Variants in PKHD1 observed in about 807,000 individuals in gnomAD.
PKHD1 encodes fibrocystin.
In PKHD1, 291 loss-of-function variants were observed where a neutral mutation model predicts 412.0. The ratio of observed to expected loss-of-function variants is 0.71; its 90% confidence interval spans 0.64 to 0.78. The LOEUF (loss-of-function observed/expected upper bound fraction) is 0.78, where lower values mean the gene tolerates loss of function less well. PKHD1 is among the 30% of genes least tolerant of loss of function. The pLI, the probability that PKHD1 is intolerant of heterozygous loss-of-function variation, is 0.00. For synonymous variants in PKHD1, 1,777 were observed against 1,821.5 expected (o/e 0.98, Z 0.62); for missense variants, 4,825 against 4,950.7 (o/e 0.97, Z 0.76).
intron 60 of PKHD1, among the ~76,000 whole-genome samples, chr6:51,738,305 G>A (rs543067537): frequency 6.6e-6 from 1 of 152,286 alleles, no homozygotes; most frequent in South Asian, 2.1e-4. Context: ...ATAGAAATAG[G>A]AAATAAAACT....
chr6:52,042,790 C>A, intron 27 of PKHD1, 69 bp downstream of exon 27: 3 of 1,377,480 alleles, frequency 2.2e-6, no homozygotes, highest in Non-Finnish European at 3.1e-6. Flanking sequence ...CACAGAAGGA[C>A]TAGATTCCTA....
At chr6:51,696,802 G>GA in intron 60 of PKHD1, among the ~76,000 whole-genome samples, 1 of 152,142 alleles carries the variant, frequency 6.6e-6, no homozygotes, top group Non-Finnish European at 1.5e-5. Flanking sequence ...GTGGGAGATG[G>GA]AAAAAATAAA....
intron 60 of PKHD1, among the ~76,000 whole-genome samples, chr6:51,676,806 G>C (rs1453698297): frequency 2.0e-5 from 3 of 152,104 alleles, no homozygotes; most frequent in Non-Finnish European, 2.9e-5. Flanking sequence ...ATATGTTTTG[G>C]TCATAATAGA....
At chr6:51,705,175 C>A (rs1779872890) in intron 60 of PKHD1, among the ~76,000 whole-genome samples, 1 of 152,048 alleles carries the variant, frequency 6.6e-6, no homozygotes, top group Non-Finnish European at 1.5e-5. Flanking sequence ...CTTTCAGTTA[C>A]TACAGTACCG....
intron 64 of PKHD1, among the ~76,000 whole-genome samples, chr6:51,635,532 G>A (rs1039285621): frequency 2.0e-5 from 3 of 152,208 alleles, no homozygotes; most frequent in Admixed American, 6.5e-5. Flanking sequence ...CAGAATCTCT[G>A]TCCCTTTGGA....
intron 63 of PKHD1, among the ~76,000 whole-genome samples, chr6:51,646,904 C>T (rs1770150892): frequency 6.6e-6 from 1 of 152,106 alleles, no homozygotes; most frequent in South Asian, 2.1e-4. Flanking sequence ...CAGAGTGGTC[C>T]TCTAAACATG....
At chr6:51,938,009 T>C (rs1022892119) in intron 36 of PKHD1, among the ~76,000 whole-genome samples, 1 of 152,168 alleles carries the variant, frequency 6.6e-6, no homozygotes, top group African/African-American at 2.4e-5. Context: ...CCAAGCTAAC[T>C]ATGGGAGGAA....
At chr6:52,022,981 G>A in intron 32 of PKHD1, 37 bp from the exon 33 acceptor site, 2 of 1,612,258 alleles carry the variant, frequency 1.2e-6, no homozygotes, top group Non-Finnish European at 1.7e-6. Context: ...GATCATACAG[G>A]CAAATCTCCC....
At chr6:51,969,404 T>TA (rs1044637751) in intron 35 of PKHD1, among the ~76,000 whole-genome samples, 3 of 152,148 alleles carry the variant, frequency 2.0e-5, no homozygotes, top group African/African-American at 7.2e-5. Flanking sequence ...CCAGACTTTT[T>TA]AAAAAATTTT....
intron 34 of PKHD1, among the ~76,000 whole-genome samples, chr6:52,016,911 C>T (rs1434056155): frequency 6.6e-6 from 1 of 152,124 alleles, no homozygotes; most frequent in Non-Finnish European, 1.5e-5. Context: ...TAAAAAAATG[C>T]TTATACGCTT....
intron 35 of PKHD1, among the ~76,000 whole-genome samples, chr6:51,974,762 G>C (rs892530757): frequency 1.3e-5 from 2 of 152,162 alleles, no homozygotes; most frequent in African/African-American, 4.8e-5. Context: ...AGTGCACACT[G>C]TTTGAGTGAT....
intron 35 of PKHD1, among the ~76,000 whole-genome samples, chr6:51,982,855 A>AAAATAAAATAAAAT (rs1554177177): frequency 6.3e-5 from 8 of 126,004 alleles, no homozygotes; most frequent in Non-Finnish European, 1.4e-4. Context: ...ATAAAAAAAT[A>AAAATAAAATAAAAT]AAAATAAAAT....
At chr6:52,001,394 C>T (rs893712729) in intron 35 of PKHD1, among the ~76,000 whole-genome samples, 2 of 151,004 alleles carry the variant, frequency 1.3e-5, no homozygotes, top group Non-Finnish European at 2.9e-5. Context: ...TCATCATACT[C>T]TTGAGAGAAA....
chr6:51,774,296 G>A (rs1395120950), intron 54 of PKHD1, among the ~76,000 whole-genome samples: 1 of 151,984 alleles, frequency 6.6e-6, no homozygotes, highest in African/African-American at 2.4e-5. Context: ...ATTTGAGCAT[G>A]CAGTAAAAGA....
intron 52 of PKHD1, among the ~76,000 whole-genome samples, chr6:51,797,062 C>G (rs1459544475): frequency 6.6e-6 from 1 of 152,126 alleles, no homozygotes; most frequent in Non-Finnish European, 1.5e-5. Context: ...AATCCACCCA[C>G]CTCAGCCTCC....
chr6:51,846,546 A>T (rs1242540206), intron 50 of PKHD1, among the ~76,000 whole-genome samples: 1 of 152,234 alleles, frequency 6.6e-6, no homozygotes, highest in African/African-American at 2.4e-5. Flanking sequence ...AGCAGGTACC[A>T]TGGTGCTCAG....
At chr6:52,015,003 T>C (rs1259768865) in intron 34 of PKHD1, among the ~76,000 whole-genome samples, 1 of 152,004 alleles carries the variant, frequency 6.6e-6, no homozygotes, top group East Asian at 1.9e-4. Context: ...CACCTAGAGA[T>C]AGGCACCATC....
intron 52 of PKHD1, among the ~76,000 whole-genome samples, chr6:51,824,738 C>T (rs1248610273): frequency 6.6e-6 from 1 of 152,122 alleles, no homozygotes; most frequent in African/African-American, 2.4e-5. Flanking sequence ...AGAAAATGCT[C>T]GAAATATGTT....
rs575127779 is a variant in PKHD1 at position 51,631,644 on chromosome 6, C to T, written c.11665+921G>A. On this transcript the variant is annotated intron_variant, in intron 65 of 66. Transcript: ENST00000371117. ...GACAAGTATTTCTTTCACTCATTGG[C>T]TGGTCTAGGGTTGGGGGAATGGGTG... 6.0e-4 allele frequency among the ~76,000 whole-genome samples: 91 copies of T among 152,148 alleles called. 1 individual carries two copies. The highest frequency in any genetic ancestry group is 2.1e-3 in the African/African-American group (87 of 41,510).
Sources: gnomAD v4.1 joint callset for allele counts (sites outside exome capture counted in the v4.1 genomes callset) on GRCh38, gnomAD v4.1.1 for gene constraint, MANE v1.5 for transcripts, NCBI Gene and HGNC (gene_info 2026-07-23, HGNC 2026-07-21) for gene names.